The following RNF150 variants were observed in gnomAD, a reference collection of about 807,000 sequenced individuals.
RNF150 encodes ring finger protein 150.
In RNF150, 24 loss-of-function variants were observed where a neutral mutation model predicts 39.3. The ratio of observed to expected loss-of-function variants is 0.61; its 90% CI spans 0.44 to 0.86. RNF150 has a LOEUF of 0.86. RNF150 is among the 40% of genes least tolerant of loss of function. The probability of loss-of-function intolerance (pLI) is 0.00; values close to 1 mark genes in which losing one functional copy is unlikely to be tolerated. For missense variants in RNF150, 502 were observed against 587.8 expected (o/e 0.85, Z 1.51); for synonymous variants, 255 against 227.3 (o/e 1.12, Z -1.10).
chr4:140,878,453 G>A (rs764408447), intron 6 of RNF150, among the ~76,000 whole-genome samples: 3 of 152,042 alleles, frequency 2.0e-5, no homozygotes, highest in Admixed American at 6.6e-5. Flanking sequence ...GATTACAGGC[G>A]TAAACCACTG....
chr4:141,178,408 A>C (rs997623318), intron 1 of RNF150, among the ~76,000 whole-genome samples: 2 of 152,226 alleles, frequency 1.3e-5, no homozygotes, highest in Non-Finnish European at 2.9e-5. Flanking sequence ...TAATTTGTAG[A>C]TGAGTAGTGA....
At chr4:141,127,148 C>T (rs1385194868) in intron 1 of RNF150, among the ~76,000 whole-genome samples, 1 of 152,040 alleles carries the variant, frequency 6.6e-6, no homozygotes, top group Non-Finnish European at 1.5e-5. Context: ...GGTTGCAAGC[C>T]GAGATCTACC....
chr4:141,078,348 C>T (rs1005524802), intron 1 of RNF150, among the ~76,000 whole-genome samples: 5 of 152,066 alleles, frequency 3.3e-5, no homozygotes, highest in South Asian at 2.1e-4. Flanking sequence ...AATTTTGAAA[C>T]GGTGTACTGG....
At chr4:140,987,869 G>T (rs114499828) in intron 1 of RNF150, among the ~76,000 whole-genome samples, 1,739 of 152,108 alleles carry the variant, frequency 0.011, 19 homozygotes, top group Non-Finnish European at 0.017. Flanking sequence ...ATCCAACAAA[G>T]GCCTAATATC....
intron 1 of RNF150, among the ~76,000 whole-genome samples, chr4:141,182,972 C>A (rs1426214081): frequency 6.6e-6 from 1 of 151,908 alleles, no homozygotes; most frequent in Non-Finnish European, 1.5e-5. Context: ...GGTACTGGTA[C>A]CAAAACAGAG....
rs2200611 is a variant in RNF150, at chr4:140,872,660, G to A, written c.1199-4281C>T. Among the ~76,000 whole-genome samples the A allele has an allele frequency of 5.8e-3, 883 of 152,308 alleles. 29 individuals carry two copies. Among genetic ancestry groups the A allele is most frequent in the Admixed American group, 0.049 (752 of 15,296 alleles). ...GATGAAGGATCTACAGGAAATGATG[G>A]ACTAGCCAAGGGCAGTAAAAGAGGA... On this transcript the variant is annotated intron_variant, in intron 6 of 6. Transcript: ENST00000515673.
chr4:141,189,132 C>T (rs9761850), intron 1 of RNF150, among the ~76,000 whole-genome samples: 9,778 of 152,174 alleles, frequency 0.064, 978 homozygotes, highest in African/African-American at 0.22. Context: ...TTCTGTCAGG[C>T]CCCTTTTCTG....
chr4:140,993,770 T>C (rs1397644173), intron 1 of RNF150, among the ~76,000 whole-genome samples: 1 of 152,328 alleles, frequency 6.6e-6, no homozygotes, highest in East Asian at 1.9e-4. Context: ...ATCTCCTTTT[T>C]CCCCTCACTC....
At chr4:141,199,741 A>G (rs1349947651) in intron 1 of RNF150, among the ~76,000 whole-genome samples, 1 of 152,230 alleles carries the variant, frequency 6.6e-6, no homozygotes, top group Non-Finnish European at 1.5e-5. Context: ...CTGTATTACA[A>G]TTATAATGAG....
At chr4:141,045,487 G>T (rs1736537652) in intron 1 of RNF150, among the ~76,000 whole-genome samples, 2 of 151,874 alleles carry the variant, frequency 1.3e-5, no homozygotes, top group South Asian at 4.2e-4. Flanking sequence ...TTAAATTTAG[G>T]AATACATTCT....
chr4:141,167,095 G>A (rs1395712567), intron 1 of RNF150, among the ~76,000 whole-genome samples: 1 of 152,130 alleles, frequency 6.6e-6, no homozygotes, highest in Non-Finnish European at 1.5e-5. Flanking sequence ...CTTCAGCAAA[G>A]TCTCAGGATA....
At chr4:140,951,568 C>A (rs1374716490) in intron 2 of RNF150, among the ~76,000 whole-genome samples, 1 of 121,146 alleles carries the variant, frequency 8.3e-6, no homozygotes. Flanking sequence ...TTTTTTTTTG[C>A]AAGGAAAACA....
intron 1 of RNF150, among the ~76,000 whole-genome samples, chr4:141,174,617 T>C (rs1727778823): frequency 6.6e-6 from 1 of 152,070 alleles, no homozygotes; most frequent in Non-Finnish European, 1.5e-5. Flanking sequence ...TCATGAGCCT[T>C]ATTTGGTTCC....
chr4:140,905,988 G>C (rs1730356641), intron 6 of RNF150, among the ~76,000 whole-genome samples: 1 of 152,166 alleles, frequency 6.6e-6, no homozygotes, highest in African/African-American at 2.4e-5. Context: ...GGATGCTCAT[G>C]AGTAAGCAAG....
upstream of RNF150, among the ~76,000 whole-genome samples, chr4:141,134,531 C>T (rs572171112): frequency 6.8e-4 from 104 of 152,272 alleles, no homozygotes; most frequent in African/African-American, 2.4e-3. Flanking sequence ...CGTTAATGAA[C>T]GTCCACCAGT....
chr4:141,019,986 T>A (rs1477119087), intron 1 of RNF150, among the ~76,000 whole-genome samples: 3 of 152,152 alleles, frequency 2.0e-5, no homozygotes, highest in Non-Finnish European at 2.9e-5. Context: ...AAAAATTGGA[T>A]CACCTCTATT....
At chr4:140,951,557 T>G (rs55639106) in intron 2 of RNF150, among the ~76,000 whole-genome samples, 2 of 123,296 alleles carry the variant, frequency 1.6e-5, no homozygotes, top group African/African-American at 2.9e-5. Flanking sequence ...TGTTGTTTTT[T>G]TTTTTTTTTG....
intron 1 of RNF150, among the ~76,000 whole-genome samples, chr4:141,072,184 C>T (rs1340054570): frequency 6.6e-6 from 1 of 152,164 alleles, no homozygotes; most frequent in Non-Finnish European, 1.5e-5. Context: ...CATGCAACAG[C>T]ATCACAAGAA....
intron 6 of RNF150, among the ~76,000 whole-genome samples, chr4:140,894,450 T>C (rs1729866500): frequency 6.6e-6 from 1 of 152,220 alleles, no homozygotes; most frequent in Non-Finnish European, 1.5e-5. Flanking sequence ...TCTGAATTTT[T>C]CTTTCTTTTT....
Sources: gnomAD v4.1 joint callset for allele counts (sites outside exome capture counted in the v4.1 genomes callset) on GRCh38, gnomAD v4.1.1 for gene constraint, MANE v1.5 for transcripts, NCBI Gene and HGNC (gene_info 2026-07-23, HGNC 2026-07-21) for gene names.